AK5: variants seen among roughly 807,000 people sequenced by gnomAD.
The protein encoded by AK5 is adenylate kinase isoenzyme 5.
In AK5, 27 loss-of-function variants were observed where a neutral mutation model predicts 69.5. That is an observed-to-expected ratio of 0.39 (90% CI 0.29 to 0.54). The LOEUF is 0.54. Among genes scored for constraint, AK5 ranks in the 20% least tolerant of loss-of-function variants. AK5 has a pLI of 0.71. For synonymous variants in AK5, 260 were observed against 244.4 expected (o/e 1.06, Z -0.60); for missense variants, 531 against 700.4 (o/e 0.76, Z 2.73).
intron 6 of AK5, among the ~76,000 whole-genome samples, chr1:77,366,772 C>G (rs1646956748): frequency 6.6e-6 from 1 of 152,152 alleles, no homozygotes; most frequent in Admixed American, 6.5e-5. Flanking sequence ...TTTATAGTAT[C>G]TCTACTCTTC....
chr1:77,376,459 AAAAAC>A (rs1254807949), intron 6 of AK5, among the ~76,000 whole-genome samples: 84 of 147,736 alleles, frequency 5.7e-4, no homozygotes, highest in African/African-American at 1.6e-3. Context: ...AACAAAAAAA[AAAAAC>A]ATGTCTTACT....
At chr1:77,418,902 T>A (rs1408756930) in intron 8 of AK5, among the ~76,000 whole-genome samples, 1 of 152,222 alleles carries the variant, frequency 6.6e-6, no homozygotes, top group Non-Finnish European at 1.5e-5. Context: ...TGTTGGCAAG[T>A]GCTATAATAG....
chr1:77,386,520 C>T (rs1648038753), intron 6 of AK5, among the ~76,000 whole-genome samples: 2 of 152,020 alleles, frequency 1.3e-5, no homozygotes, highest in Admixed American at 6.6e-5. Context: ...GCCAGGTTGG[C>T]AGCAGCATAA....
In AK5 at chr1:77,428,074, G is replaced by T. The variant is rs1227746194; in HGVS notation, c.1059+10359G>T. ...CACATTTCAACATGAGATGAGATGG[G>T]ACAGAACCTCCAAATCGTATTAATG... is the stretch of plus-strand genomic sequence containing the variant. On this transcript the variant is annotated intron_variant, in intron 8 of 13. Transcript: ENST00000354567. Among the ~76,000 whole-genome samples, 3 of 152,248 alleles carry T rather than the reference G, an allele frequency of 2.0e-5. No homozygotes were observed. The East Asian group carries it at 5.8e-4, about 29-fold the overall frequency.
intron 6 of AK5, among the ~76,000 whole-genome samples, chr1:77,361,713 A>G (rs1345181160): frequency 6.6e-6 from 1 of 152,196 alleles, no homozygotes; most frequent in African/African-American, 2.4e-5. Flanking sequence ...GGAGCAAGTC[A>G]CATCTTATGT....
At chr1:77,394,961 G>A (rs1648735738) in intron 6 of AK5, among the ~76,000 whole-genome samples, 1 of 152,038 alleles carries the variant, frequency 6.6e-6, no homozygotes, top group Non-Finnish European at 1.5e-5. Context: ...GAATACTCAG[G>A]ACAAGAGACC....
intron 10 of AK5, among the ~76,000 whole-genome samples, chr1:77,512,715 G>A (rs960289050): frequency 2.0e-5 from 3 of 152,062 alleles, no homozygotes; most frequent in African/African-American, 4.8e-5. Flanking sequence ...ACATGCACAC[G>A]TATGTTTATT....
At chr1:77,315,037 A>G (rs1660173324) in intron 5 of AK5, 1 of 152,170 alleles carries the variant, frequency 6.6e-6, no homozygotes. Flanking sequence ...AATCATGCAT[A>G]ATAGAGTATA....
rs528187178 is a variant in AK5, at chr1:77,434,743, A to G, written c.1059+17028A>G. ...GGAAAGAAAGAAAAAGCTTCCTGCA[A>G]TATAATTGCTTCTTACTGGAAGCCC... On this transcript the variant is annotated intron_variant, in intron 8 of 13. Transcript: ENST00000354567. Among the ~76,000 whole-genome samples the G allele has an allele frequency of 2.0e-5, 3 of 152,330 alleles. No individual in the cohort carries two copies. The South Asian group carries it at 6.2e-4, about 32-fold the overall frequency.
At chr1:77,425,653 G>A (rs1651154800) in intron 8 of AK5, among the ~76,000 whole-genome samples, 1 of 152,082 alleles carries the variant, frequency 6.6e-6, no homozygotes, top group Non-Finnish European at 1.5e-5. Context: ...GAAAGGAAGA[G>A]CATGAGAGAA....
intron 10 of AK5, among the ~76,000 whole-genome samples, chr1:77,505,969 T>C (rs4949804): frequency 2.6e-5 from 4 of 152,102 alleles, no homozygotes; most frequent in Admixed American, 2.0e-4. Context: ...ACACTTAATA[T>C]ATGCCTAAGA....
At chr1:77,536,155 G>A in intron 13 of AK5, 117 bp downstream of exon 13, 1 of 1,173,778 alleles carries the variant, frequency 8.5e-7, no homozygotes, top group Non-Finnish European at 1.2e-6. Flanking sequence ...AGAACTCTGT[G>A]CAGCTGCAGC....
chr1:77,487,914 A>G (rs1277778420), intron 10 of AK5, among the ~76,000 whole-genome samples: 1 of 152,252 alleles, frequency 6.6e-6, no homozygotes, highest in Admixed American at 6.5e-5. Context: ...AATAATGGAT[A>G]TATCATTAAC....
chr1:77,399,394 G>A (rs932898834), intron 6 of AK5, among the ~76,000 whole-genome samples: 7 of 152,084 alleles, frequency 4.6e-5, no homozygotes, highest in African/African-American at 1.2e-4. Flanking sequence ...GCCTGAAACC[G>A]AGCCTCTCCC....
intron 8 of AK5, among the ~76,000 whole-genome samples, chr1:77,459,806 G>A (rs529600053): frequency 1.3e-5 from 2 of 152,244 alleles, no homozygotes; most frequent in East Asian, 1.9e-4. Context: ...AAAAGGAAGT[G>A]GGAAGAAGAG....
chr1:77,461,186 A>G (rs1415926391), intron 8 of AK5, among the ~76,000 whole-genome samples: 1 of 151,524 alleles, frequency 6.6e-6, no homozygotes, highest in African/African-American at 2.4e-5. Flanking sequence ...GGTGCCCACC[A>G]CCGCGCCTGG....
intron 12 of AK5, among the ~76,000 whole-genome samples, chr1:77,534,415 A>G (rs1375613656): frequency 6.6e-6 from 1 of 151,752 alleles, no homozygotes; most frequent in African/African-American, 2.4e-5. Flanking sequence ...TGTGTGCAAG[A>G]CTTGGGACTA....
intron 13 of AK5, among the ~76,000 whole-genome samples, chr1:77,548,435 G>A (rs955641660): frequency 1.3e-5 from 2 of 152,158 alleles, no homozygotes; most frequent in Non-Finnish European, 2.9e-5. Flanking sequence ...TTGCTGAGCC[G>A]CTGCTGTTAT....
At chr1:77,347,737 C>A (rs574899414) in intron 6 of AK5, among the ~76,000 whole-genome samples, 7 of 152,296 alleles carry the variant, frequency 4.6e-5, no homozygotes, top group African/African-American at 1.7e-4. Context: ...CTGTCCTGGG[C>A]AGCAAATTCT....
Sources: allele counts gnomAD v4.1 joint callset (sites outside exome capture counted in the v4.1 genomes callset), GRCh38; gene constraint gnomAD v4.1.1; transcripts MANE v1.5; gene names NCBI Gene and HGNC (gene_info 2026-07-23, HGNC 2026-07-21).